The following SGCE variants were observed in gnomAD, a reference collection of about 807,000 sequenced individuals.
SGCE encodes epsilon-sarcoglycan.
Under a neutral mutation model 57.8 loss-of-function variants are expected in SGCE, and 26 were observed. The ratio of observed to expected loss-of-function variants is 0.45; its 90% CI spans 0.33 to 0.62. SGCE has a LOEUF of 0.62. Among genes scored for constraint, SGCE ranks in the 20% least tolerant of loss-of-function variants. The pLI, the probability that SGCE is intolerant of heterozygous loss-of-function variation, is 0.02. For missense variants in SGCE, 468 were observed against 548.6 expected, an observed-to-expected ratio of 0.85 and a Z score of 1.47; for synonymous variants, 183 against 189.5, an observed-to-expected ratio of 0.97 and a Z score of 0.28.
At chr7:94,655,933 G>C (rs1453642679) in intron 1 of SGCE, 57 bp downstream of exon 1, 5 of 1,128,174 alleles carry the variant, frequency 4.4e-6, no homozygotes, top group Non-Finnish European at 6.7e-6. Flanking sequence ...GAGCGGGGGA[G>C]GGGGAGGCGG....
chr7:94,642,362 C>G (rs1806510833), intron 1 of SGCE, among the ~76,000 whole-genome samples: 1 of 152,164 alleles, frequency 6.6e-6, no homozygotes, highest in South Asian at 2.1e-4. Flanking sequence ...CTAATAGTCT[C>G]TTGTGGCAAA....
intron 3 of SGCE, chr7:94,624,208 C>G (rs1803333646): frequency 2.5e-6 from 1 of 396,300 alleles, no homozygotes; most frequent in Non-Finnish European, 4.4e-6. Flanking sequence ...TCTTAGAATC[C>G]CAGCACTAAC....
chr7:94,602,379 G>A (rs1313969395), intron 6 of SGCE, among the ~76,000 whole-genome samples: 1 of 152,160 alleles, frequency 6.6e-6, no homozygotes, highest in Non-Finnish European at 1.5e-5. Flanking sequence ...GCTAAGTGTT[G>A]CAATGTGAGT....
intron 5 of SGCE, among the ~76,000 whole-genome samples, chr7:94,606,030 T>C (rs749854843): frequency 6.6e-6 from 1 of 152,044 alleles, no homozygotes; most frequent in Admixed American, 6.6e-5. Flanking sequence ...GTTTTCACCA[T>C]GTTGGCTAGG....
At chr7:94,650,918 T>G (rs554217357) in intron 1 of SGCE, among the ~76,000 whole-genome samples, 2 of 152,180 alleles carry the variant, frequency 1.3e-5, no homozygotes, top group Non-Finnish European at 2.9e-5. Flanking sequence ...GCCAGACCCT[T>G]CAACATCCCC....
chr7:94,603,525 G>A lies in SGCE; in HGVS notation c.663-73C>T, dbSNP rs1038323242. ...CACTAAAAAACAATCCACCTTAAAA[G>A]CAGGATTTAGCCTTTTGAATTGAGA... On this transcript the variant is annotated intron_variant, in intron 5 of 10. Coordinates refer to ENST00000648936, the MANE Select transcript of SGCE (RefSeq NM_003919.3). 7 of 1,407,536 alleles carry A rather than the reference G, an allele frequency of 5.0e-6. No homozygotes were observed. The African/African-American group carries it at 1.0e-4, about 20-fold the overall frequency. 87.2% of individuals were successfully genotyped at this position (1,407,536 alleles called of 1,614,324 possible).
intron 1 of SGCE, among the ~76,000 whole-genome samples, chr7:94,643,394 A>G (rs1196844082): frequency 6.6e-6 from 1 of 152,216 alleles, no homozygotes; most frequent in Admixed American, 6.5e-5. Flanking sequence ...TCAATTGTTT[A>G]AACAGAGAGG....
At chr7:94,640,937 T>G (rs1806300609) in intron 1 of SGCE, 1 of 152,222 alleles carries the variant, frequency 6.6e-6, no homozygotes, top group South Asian at 2.1e-4. Flanking sequence ...TGTGGGCCAC[T>G]GCACCCGGCC....
chr7:94,652,395 G>A (rs901955119), intron 1 of SGCE, among the ~76,000 whole-genome samples: 1 of 152,168 alleles, frequency 6.6e-6, no homozygotes, highest in Non-Finnish European at 1.5e-5. Flanking sequence ...GAGAAAATGT[G>A]ATCTATAAAT....
intron 9 of SGCE, chr7:94,598,476 T>A (rs959997674): frequency 1.5e-5 from 5 of 332,260 alleles, no homozygotes; most frequent in African/African-American, 4.3e-5. Context: ...TTCTTTTTTT[T>A]ATAATTAACT....
At chr7:94,640,000 GTAATGGAGATAATACTGACATGGAGA>G (rs1256458301) in intron 1 of SGCE, among the ~76,000 whole-genome samples, 2 of 152,142 alleles carry the variant, frequency 1.3e-5, no homozygotes, top group East Asian at 1.9e-4. Flanking sequence ...AAGACACCTT[GTAATGGAGATAATACTGACATGGAGA>G]TAATGGAGAT....
At chr7:94,655,252 G>A (rs1449633414) in intron 1 of SGCE, among the ~76,000 whole-genome samples, 1 of 152,132 alleles carries the variant, frequency 6.6e-6, no homozygotes, top group Non-Finnish European at 1.5e-5. Context: ...TTCAAAGCCC[G>A]CCAAACACAC....
chr7:94,621,037 A>C (rs947075376), intron 4 of SGCE: 24 of 152,294 alleles, frequency 1.6e-4, no homozygotes, highest in Admixed American at 1.6e-3. Context: ...CTTGAGCTTC[A>C]TGCGGTGTGA....
intron 1 of SGCE, among the ~76,000 whole-genome samples, chr7:94,632,094 G>C (rs1804805879): frequency 6.6e-6 from 1 of 151,960 alleles, no homozygotes; most frequent in African/African-American, 2.4e-5. Flanking sequence ...ATAATACTTA[G>C]AGGGATAGCA....
intron 10 of SGCE, chr7:94,587,446 G>C: frequency 3.5e-5 from 41 of 1,188,226 alleles, no homozygotes; most frequent in Non-Finnish European, 4.2e-5. Context: ...TAGGCGAGAT[G>C]GAAGCTACAA....
chr7:94,639,303 C>T, intron 1 of SGCE: 1 of 1,232,402 alleles, frequency 8.1e-7, no homozygotes, highest in Non-Finnish European at 1.1e-6. Context: ...ATTTAATTGG[C>T]TCCCCCAAAG....
rs770562852 is a variant in SGCE, at chr7:94,585,516, C to T, written c.1298-1G>A. On this transcript the variant is annotated splice_acceptor_variant, in intron 10 of 10. Coordinates refer to ENST00000648936, the MANE Select transcript of SGCE (RefSeq NM_003919.3). LOFTEE classifies it high-confidence loss of function. Reference sequence around the variant, plus strand: ...TTCTTTCTTCAGGGATACCATTTACCTGCAATGTGTAAGAATGAATATGGG... The same window carrying T: ...TTCTTTCTTCAGGGATACCATTTACTTGCAATGTGTAAGAATGAATATGGG... 20 of 1,603,998 alleles carry T rather than the reference C, an allele frequency of 1.2e-5. No homozygotes were observed. The highest frequency in any genetic ancestry group is 1.6e-5 in the Non-Finnish European group (19 of 1,170,924).
intron 9 of SGCE, among the ~76,000 whole-genome samples, chr7:94,596,118 A>G (rs1040195801): frequency 2.0e-5 from 3 of 152,122 alleles, no homozygotes; most frequent in African/African-American, 7.2e-5. Flanking sequence ...AGTTCAATAT[A>G]ATAGCCTATT....
At chr7:94,625,214 T>C (rs1803503879) in intron 3 of SGCE, 1 of 151,998 alleles carries the variant, frequency 6.6e-6, no homozygotes, top group South Asian at 2.1e-4. Flanking sequence ...AGTAGACTTA[T>C]ATGATTAAAT....
Sources: gnomAD v4.1 joint callset for allele counts (sites outside exome capture counted in the v4.1 genomes callset) on GRCh38, gnomAD v4.1.1 for gene constraint, MANE v1.5 for transcripts, NCBI Gene and HGNC (gene_info 2026-07-23, HGNC 2026-07-21) for gene names.